The following NDRG4 variants were observed in gnomAD, a reference collection of about 807,000 sequenced individuals.
The protein encoded by NDRG4 is protein NDRG4.
In NDRG4, 38 loss-of-function variants were observed where a neutral mutation model predicts 55.8. The observed-to-expected ratio is 0.68, with a 90% CI of 0.53 to 0.89. The LOEUF is 0.89. Ranked by LOEUF, NDRG4 falls within the 40% of genes least tolerant of loss-of-function variation. The pLI is 0.00. For missense variants in NDRG4, 455 were observed against 468.6 expected (o/e 0.97, Z 0.27); for synonymous variants, 190 against 182.7 (o/e 1.04, Z -0.32).
intron 14 of NDRG4, chr16:58,510,968 G>C: frequency 3.6e-6 from 2 of 548,752 alleles, no homozygotes; most frequent in African/African-American, 1.9e-5. Flanking sequence ...GCCCAGGCCT[G>C]GCCCTGCCTG....
At chr16:58,465,215 G>A (rs1468069087) in intron 1 of NDRG4, 4 of 771,228 alleles carry the variant, frequency 5.2e-6, no homozygotes, top group Admixed American at 2.3e-5. Flanking sequence ...ATCCGTGTAT[G>A]TCAGATGAGC....
At chr16:58,504,543 G>A in intron 4 of NDRG4, 46 bp from the exon 5 acceptor site, 3 of 1,613,340 alleles carry the variant, frequency 1.9e-6, no homozygotes, top group East Asian at 2.2e-5. Flanking sequence ...ACATGTATGG[G>A]AAATGGCACC....
In NDRG4 at chr16:58,506,810, TG is replaced by T. The variant is rs1344585090; in HGVS notation, c.517-98del. The T allele has an allele frequency of 1.5e-5, 19 of 1,262,814 alleles. No individual in the cohort carries two copies. In the Admixed American group the frequency reaches 3.7e-4, roughly 25 times the overall value. The allele number at this position is 1,262,814 out of a possible 1,614,324, so 78.2% of individuals were successfully genotyped here. On this transcript the variant is annotated intron_variant, in intron 7 of 14. Transcript: ENST00000570248. ...CACCCTGTCTCCCCTGCCTGCTGAG[TG>T]GGGCAAGGGCCACTCTGGCAGTGAC...
Position 58,464,448 on chromosome 16 carries a change from C to G in NDRG4, c.-24+651C>G. 1 of 1,349,480 alleles carries G rather than the reference C, an allele frequency of 7.4e-7. No individual in the cohort carries two copies. The highest frequency in any genetic ancestry group is 1.9e-5 in the South Asian group (1 of 52,872). The allele number at this position is 1,349,480 out of a possible 1,614,324, so 83.6% of individuals were successfully genotyped here. On this transcript the variant is annotated intron_variant, in intron 1 of 15. Coordinates refer to the NDRG4 transcript ENST00000258187. The surrounding 1 kb of genome is among the most constrained non-coding windows in gnomAD (Gnocchi z 4.8). ...GCGCCGAGATGAAGGTGCTGGGACA[C>G]CGGCTGGAGCTGCTCACAGGTACCG... is the stretch of plus-strand genomic sequence containing the variant.
intron 1 of NDRG4, among the ~76,000 whole-genome samples, chr16:58,478,810 A>G (rs558990008): frequency 6.7e-6 from 1 of 148,592 alleles, no homozygotes; most frequent in South Asian, 2.1e-4. Flanking sequence ...TCTTATTGAT[A>G]CATAAAAATT....
At chr16:58,467,339 C>T (rs1248892990) in intron 1 of NDRG4, among the ~76,000 whole-genome samples, 1 of 152,164 alleles carries the variant, frequency 6.6e-6, no homozygotes, top group Non-Finnish European at 1.5e-5. Flanking sequence ...AAACCCCCAT[C>T]TCTACTAAAA....
intron 5 of NDRG4, 107 bp downstream of exon 5, chr16:58,504,756 C>T: frequency 1.7e-6 from 2 of 1,157,776 alleles, no homozygotes; most frequent in Non-Finnish European, 1.3e-6. Context: ...TGTCCCTGCT[C>T]TCGCTTCTCC....
intron 1 of NDRG4, among the ~76,000 whole-genome samples, chr16:58,477,011 T>C (rs1011484571): frequency 6.6e-6 from 1 of 152,000 alleles, no homozygotes; most frequent in Non-Finnish European, 1.5e-5. Context: ...GCCAGGTTTC[T>C]CACCACTGGA....
At chr16:58,503,633 A>G in intron 1 of NDRG4, 165 bp from the exon 2 acceptor site, 1 of 1,373,788 alleles carries the variant, frequency 7.3e-7, no homozygotes, top group Non-Finnish European at 1.0e-6. Flanking sequence ...GGGGTGTTCC[A>G]TCCATTCAGT....
chr16:58,478,690 G>GTTTTT (rs763426631), intron 1 of NDRG4, among the ~76,000 whole-genome samples: 1 of 10,304 alleles, frequency 9.7e-5, no homozygotes, highest in East Asian at 1.9e-3. Context: ...GTGCTTTTTT[G>GTTTTT]TTTTTTGTTT....
At chr16:58,483,011 C>T (rs1334041395) in intron 1 of NDRG4, among the ~76,000 whole-genome samples, 1 of 152,092 alleles carries the variant, frequency 6.6e-6, no homozygotes, top group African/African-American at 2.4e-5. Context: ...GTCTCGAACT[C>T]CTGGCTTCAA....
At chr16:58,485,443 G>C (rs1322930393) in intron 1 of NDRG4, among the ~76,000 whole-genome samples, 1 of 152,174 alleles carries the variant, frequency 6.6e-6, no homozygotes, top group Non-Finnish European at 1.5e-5. Flanking sequence ...TGGTGTCCAG[G>C]GTGGTTTCAT....
chr16:58,495,080 C>A, intron 3 of NDRG4: 1 of 1,499,756 alleles, frequency 6.7e-7, no homozygotes, highest in South Asian at 1.2e-5. Flanking sequence ...TGGCCAGGTC[C>A]CAGAGGAGGG....
At chr16:58,507,350 C>A (rs2038176510) in intron 8 of NDRG4, 3 of 394,526 alleles carry the variant, frequency 7.6e-6, no homozygotes, top group East Asian at 4.5e-5. Context: ...GTCGGATGAG[C>A]CTGTGGTTTT....
At position 58,509,008 on chromosome 16, in the gene NDRG4, A is replaced by G; in HGVS notation, c.776A>G (p.Lys259Arg). The change falls in exon 11 of 15, where the codon AAG becomes AGG. Residue 259 changes from lysine to arginine, a missense_variant and splice_region_variant. Coordinates refer to ENST00000570248, the MANE Select transcript of NDRG4 (RefSeq NM_001242835.2). Reference protein sequence around the residue: ...KLDPTTTTFLKMADSGGLPQV... With the variant: ...KLDPTTTTFLRMADSGGLPQV... ...GACCCGACCACTACGACCTTCCTGA[A>G]GGTGAGGCTTTCTTCCCCAGCCCTG... 6.2e-7 allele frequency: 1 copy of G among 1,614,144 alleles called. No individual in the cohort carries two copies. Among genetic ancestry groups the G allele is most frequent in the Non-Finnish European group, 8.5e-7 (1 of 1,180,020 alleles).
chr16:58,505,869 A>G (rs1246210158), intron 5 of NDRG4: 1 of 236,828 alleles, frequency 4.2e-6, no homozygotes, highest in Non-Finnish European at 8.1e-6. Flanking sequence ...CTACAGGTGC[A>G]TGCCACCACG....
intron 1 of NDRG4, among the ~76,000 whole-genome samples, chr16:58,483,909 G>T (rs571156563): frequency 2.6e-5 from 4 of 152,124 alleles, no homozygotes; most frequent in African/African-American, 9.6e-5. Flanking sequence ...TACAAAAAAT[G>T]AAAAGAAAAA....
chr16:58,509,939 G>GAC (rs3048060), intron 13 of NDRG4, among the ~76,000 whole-genome samples: 3,014 of 149,844 alleles, frequency 0.02, 26 homozygotes, highest in Non-Finnish European at 0.025. Flanking sequence ...CACACACACA[G>GAC]ACACACACAC....
intron 1 of NDRG4, among the ~76,000 whole-genome samples, chr16:58,476,077 A>G (rs1189293337): frequency 6.6e-6 from 1 of 152,218 alleles, no homozygotes; most frequent in African/African-American, 2.4e-5. Flanking sequence ...GATTACAGGC[A>G]TGAGCCACTG....
Sources: allele counts gnomAD v4.1 joint callset (sites outside exome capture counted in the v4.1 genomes callset), GRCh38; gene constraint gnomAD v4.1.1; non-coding constraint Gnocchi (gnomAD v3.1); transcripts MANE v1.5; gene names NCBI Gene and HGNC (gene_info 2026-07-23, HGNC 2026-07-21).